Variants in DCP1B observed in about 807,000 individuals in gnomAD.
DCP1B encodes decapping mRNA 1B.
A neutral mutation model predicts 60.5 loss-of-function variants in DCP1B; 47 were observed. The observed-to-expected ratio is 0.78, with a 90% CI of 0.61 to 0.99. The LOEUF (loss-of-function observed/expected upper bound fraction) is 0.99. Ranked by LOEUF, DCP1B falls within the 50% of genes least tolerant of loss-of-function variation. The pLI is 0.00. For synonymous variants in DCP1B, 267 were observed against 280.3 expected (o/e 0.95, Z 0.47); for missense variants, 725 against 756.8 (o/e 0.96, Z 0.49).
At chr12:1,945,404 T>G (rs2030384568), downstream of DCP1B, among the ~76,000 whole-genome samples, 1 of 152,188 alleles carries the variant, frequency 6.6e-6, no homozygotes, top group Non-Finnish European at 1.5e-5. Context: ...GAAATACCAT[T>G]TGACCCAGCA....
chr12:1,992,038 T>C, intron 3 of DCP1B: 1 of 350,062 alleles, frequency 2.9e-6, no homozygotes, highest in Non-Finnish European at 6.0e-6. Context: ...TATAAACAAT[T>C]CAAACTGGCA....
intron 1 of DCP1B, 78 bp downstream of exon 1, chr12:2,004,204 G>C (rs577849235): frequency 6.3e-7 from 1 of 1,576,368 alleles, no homozygotes; most frequent in East Asian, 2.3e-5. Flanking sequence ...CCCTCACCGG[G>C]TCCTCAAGTC....
intron 7 of DCP1B, among the ~76,000 whole-genome samples, chr12:1,951,894 C>A (rs1280124828): frequency 6.6e-6 from 1 of 152,196 alleles, no homozygotes; most frequent in Non-Finnish European, 1.5e-5. Flanking sequence ...TAAGTTCCTA[C>A]AGTCAAAAAT....
intron 8 of DCP1B, among the ~76,000 whole-genome samples, chr12:1,947,615 T>A (rs1196728625): frequency 6.6e-6 from 1 of 152,204 alleles, no homozygotes; most frequent in Non-Finnish European, 1.5e-5. Flanking sequence ...ATGGATCTTT[T>A]AAATTACAAC....
chr12:1,991,421 C>T, intron 3 of DCP1B: 1 of 208,494 alleles, frequency 4.8e-6, no homozygotes, highest in Non-Finnish European at 1.0e-5. Flanking sequence ...TGAGCCACAT[C>T]TGTTATTTTA....
At chr12:1,981,255 C>T (rs1299416928) in intron 3 of DCP1B, among the ~76,000 whole-genome samples, 1 of 152,160 alleles carries the variant, frequency 6.6e-6, no homozygotes, top group East Asian at 1.9e-4. Flanking sequence ...ACCACAGAGG[C>T]TCCTTAATGC....
Position 1,948,974 on chromosome 12 carries a change from C to T in DCP1B, c.1773+112G>A. 3.6e-6 allele frequency: 5 copies of T among 1,399,390 alleles called. No homozygotes were observed. In the South Asian group the frequency reaches 5.4e-5, roughly 15 times the overall value. The allele number at this position is 1,399,390 out of a possible 1,614,324, so 86.7% of individuals were successfully genotyped here. A position where few individuals can be genotyped will look rare whatever the true frequency, so the allele number is the denominator to read the frequency against. On this transcript the variant is annotated intron_variant, in intron 8 of 8. Coordinates refer to ENST00000280665, the MANE Select transcript of DCP1B (RefSeq NM_152640.5). This position sits in a 1 kb window ranked among gnomAD's most constrained non-coding sequence, Gnocchi z 4.8. The stretch of plus-strand genomic sequence containing the variant: ...GGTCAGGATGAGTTGTTACACACAC[C>T]TGTTATTCTCACGGAAGCTAAGCAG...
At chr12:1,986,377 GTCAGGGTTTATC>G (rs1319122362) in intron 3 of DCP1B, among the ~76,000 whole-genome samples, 1 of 152,150 alleles carries the variant, frequency 6.6e-6, no homozygotes, top group African/African-American at 2.4e-5. Flanking sequence ...CGACTACAAA[GTCAGGGTTTATC>G]TCAGGGTTTT....
At chr12:1,952,314 T>C (rs1194842566) in intron 7 of DCP1B, 102 bp downstream of exon 7, 2 of 1,373,022 alleles carry the variant, frequency 1.5e-6, no homozygotes, top group African/African-American at 1.5e-5. Flanking sequence ...GCTGGTGCTA[T>C]AGGCGTGTGA....
At chr12:1,953,423 A>T in intron 6 of DCP1B, 135 bp from the exon 7 acceptor site, 4 of 1,122,360 alleles carry the variant, frequency 3.6e-6, no homozygotes, top group Non-Finnish European at 4.7e-6. Flanking sequence ...AATAATAATA[A>T]TAAACTTGAA....
At chr12:1,952,346 T>G in intron 7 of DCP1B, 70 bp downstream of exon 7, 2 of 1,481,766 alleles carry the variant, frequency 1.3e-6, no homozygotes, top group Non-Finnish European at 1.8e-6. Flanking sequence ...GCTACTTTTT[T>G]TTTTTTTTTA....
chr12:1,994,925 T>C (rs1197266613), intron 2 of DCP1B, among the ~76,000 whole-genome samples: 1 of 111,952 alleles, frequency 8.9e-6, no homozygotes, highest in Non-Finnish European at 1.7e-5. Context: ...CCACCCACCA[T>C]GAGTTTTACA....
chr12:1,941,924 A>G (rs903691398), downstream of DCP1B, among the ~76,000 whole-genome samples: 1 of 152,250 alleles, frequency 6.6e-6, no homozygotes, highest in African/African-American at 2.4e-5. Context: ...GACAGGATCA[A>G]GTTTACACAC....
rs767019621 is a variant in DCP1B at position 1,993,111 on chromosome 12, C to T, written c.319+153G>A. 23 of 935,628 alleles carry T rather than the reference C, an allele frequency of 2.5e-5. No homozygotes were observed. In the African/African-American group the frequency reaches 3.4e-4, roughly 14 times the overall value. 58.0% of individuals were successfully genotyped at this position (935,628 alleles called of 1,614,324 possible). The stretch of plus-strand genomic sequence containing the variant: ...GGAAGAATCTATTCCATCATTAGGG[C>T]ATGCATTTCCTAAACATTAACATTT... On this transcript the variant is annotated intron_variant, in intron 3 of 8. Coordinates refer to ENST00000280665, the MANE Select transcript of DCP1B (RefSeq NM_152640.5).
At chr12:1,991,132 A>T (rs2039301182) in intron 3 of DCP1B, 1 of 456,240 alleles carries the variant, frequency 2.2e-6, no homozygotes, top group Non-Finnish European at 4.4e-6. Flanking sequence ...TTTAATTTGC[A>T]TCCATGTTTA....
chr12:1,960,597 A>C (rs1177039578), intron 5 of DCP1B, among the ~76,000 whole-genome samples: 2 of 152,368 alleles, frequency 1.3e-5, no homozygotes, highest in African/African-American at 4.8e-5. Flanking sequence ...AGCTTGATTT[A>C]GGCACCCTAT....
At chr12:1,946,463 G>A (rs1311476024) in intron 8 of DCP1B, among the ~76,000 whole-genome samples, 177 bp from the exon 9 acceptor site, 6 of 152,168 alleles carry the variant, frequency 3.9e-5, no homozygotes, top group South Asian at 4.1e-4. Context: ...CGGCAAGGCC[G>A]GACAGAGCTG....
chr12:1,951,368 A>G (rs1056476424), intron 7 of DCP1B, among the ~76,000 whole-genome samples: 1 of 152,218 alleles, frequency 6.6e-6, no homozygotes, highest in African/African-American at 2.4e-5. Flanking sequence ...TTTAAACCCA[A>G]TGTACTTTCA....
intron 4 of DCP1B, among the ~76,000 whole-genome samples, chr12:1,967,026 G>A (rs953948880): frequency 1.3e-5 from 2 of 152,176 alleles, no homozygotes; most frequent in African/African-American, 4.8e-5. Context: ...GACACAGCAC[G>A]TGCAGGAAAC....
Sources: gnomAD v4.1 joint callset for allele counts (sites outside exome capture counted in the v4.1 genomes callset) on GRCh38, gnomAD v4.1.1 for gene constraint, Gnocchi (gnomAD v3.1) non-coding constraint, MANE v1.5 for transcripts, NCBI Gene and HGNC (gene_info 2026-07-23, HGNC 2026-07-21) for gene names.